The following APBA2 variants were observed in gnomAD, a reference collection of about 807,000 sequenced individuals.
The protein encoded by APBA2 is amyloid beta precursor protein binding family A member 2, also known as amyloid-beta A4 precursor protein-binding family A member 2.
In APBA2, 30 loss-of-function variants were observed where a neutral mutation model predicts 75.0. That is an observed-to-expected ratio of 0.40 (90% CI 0.30 to 0.54). The LOEUF is 0.54. APBA2 is among the 20% of genes least tolerant of loss of function. APBA2 has a pLI of 0.49. For missense variants in APBA2, 801 were observed against 1,016.1 expected (o/e 0.79, Z 2.88); for synonymous variants, 444 against 409.6 (o/e 1.08, Z -1.01).
intron 2 of APBA2, among the ~76,000 whole-genome samples, chr15:28,983,811 T>C (rs1186248270): frequency 6.6e-6 from 1 of 152,074 alleles, no homozygotes; most frequent in Non-Finnish European, 1.5e-5. Flanking sequence ...CTGGGGAAGG[T>C]TAGGCCATGG....
intron 13 of APBA2, among the ~76,000 whole-genome samples, chr15:29,109,585 C>T (rs1567026840): frequency 6.6e-6 from 1 of 152,142 alleles, no homozygotes; most frequent in Non-Finnish European, 1.5e-5. Context: ...TGAAGGTTTT[C>T]AGGGCCAGGG....
chr15:28,970,614 G>A (rs1427163963), intron 2 of APBA2: 1 of 151,240 alleles, frequency 6.6e-6, no homozygotes. Flanking sequence ...GTGTAGCAAA[G>A]AATTTACATT....
At chr15:29,010,242 C>T (rs962482896) in intron 3 of APBA2, among the ~76,000 whole-genome samples, 1 of 152,000 alleles carries the variant, frequency 6.6e-6, no homozygotes, top group African/African-American at 2.4e-5. Flanking sequence ...CATTTTCTTT[C>T]TTAGTGCTTT....
At chr15:28,887,621 C>A (rs2031836773) in intron 1 of APBA2, among the ~76,000 whole-genome samples, 1 of 152,144 alleles carries the variant, frequency 6.6e-6, no homozygotes, top group South Asian at 2.1e-4. Flanking sequence ...GGGCTGCTTC[C>A]CCCTGCAGCC....
chr15:28,984,318 G>C (rs1036587081), intron 2 of APBA2, among the ~76,000 whole-genome samples: 1 of 152,074 alleles, frequency 6.6e-6, no homozygotes, highest in African/African-American at 2.4e-5. Context: ...CTGAGTACCT[G>C]CCGGCACCTC....
At chr15:29,036,151 A>G (rs550363881) in intron 3 of APBA2, among the ~76,000 whole-genome samples, 1 of 151,916 alleles carries the variant, frequency 6.6e-6, no homozygotes, top group South Asian at 2.1e-4. Context: ...TCACCCCCCT[A>G]TGCTTTCCCG....
At chr15:28,901,175 G>C (rs1335993929) in intron 1 of APBA2, among the ~76,000 whole-genome samples, 1 of 152,178 alleles carries the variant, frequency 6.6e-6, no homozygotes, top group Admixed American at 6.5e-5. Context: ...CCATACTGCA[G>C]GCACGCTTGG....
At chr15:29,049,998 C>T (rs1246338900) in intron 3 of APBA2, among the ~76,000 whole-genome samples, 2 of 152,064 alleles carry the variant, frequency 1.3e-5, no homozygotes, top group South Asian at 2.1e-4. Flanking sequence ...GGACTTGATT[C>T]GGAAAGGGCT....
intron 1 of APBA2, among the ~76,000 whole-genome samples, chr15:28,917,806 CTTG>C (rs2033753959): frequency 6.6e-6 from 1 of 152,204 alleles, no homozygotes; most frequent in Admixed American, 6.5e-5. Context: ...TTAGCTGACT[CTTG>C]TTTTGAGGAG....
chr15:28,947,788 T>C (rs17680958), intron 2 of APBA2, among the ~76,000 whole-genome samples: 43,241 of 152,168 alleles, frequency 0.28, 9,794 homozygotes, highest in African/African-American at 0.6. Flanking sequence ...ATTGACTTTT[T>C]ACTCAGTACC....
chr15:29,078,029 G>A (rs1430200031), intron 6 of APBA2, among the ~76,000 whole-genome samples: 2 of 152,198 alleles, frequency 1.3e-5, no homozygotes, highest in Non-Finnish European at 2.9e-5. Flanking sequence ...GGACGTGGTG[G>A]CTCACGCCTG....
At position 29,075,082 on chromosome 15, in the gene APBA2, A is replaced by G. The variant is rs1201609469; in HGVS notation, c.1032+81A>G. The G allele has an allele frequency of 2.9e-5, 31 of 1,060,278 alleles. No individual in the cohort carries two copies. The South Asian group carries it at 3.5e-4, about 12-fold the overall frequency. 65.7% of individuals were successfully genotyped at this position (1,060,278 alleles called of 1,614,324 possible). A position where few individuals can be genotyped will look rare whatever the true frequency, so the allele number is the denominator to read the frequency against. On this transcript the variant is annotated intron_variant, in intron 5 of 14. Transcript: ENST00000683413. ...TGGCCCACCGAGTTGTGGTCTGCTC[A>G]CTTTGTCCATGATGTTCTCATCCCA...
intron 6 of APBA2, among the ~76,000 whole-genome samples, chr15:29,080,036 A>G (rs1464341367): frequency 6.6e-6 from 1 of 152,010 alleles, no homozygotes; most frequent in Non-Finnish European, 1.5e-5. Flanking sequence ...TGTGCGGGGG[A>G]CAGAGCCTGG....
intron 2 of APBA2, among the ~76,000 whole-genome samples, chr15:28,939,889 A>G (rs2152702677): frequency 6.6e-6 from 1 of 152,306 alleles, no homozygotes; most frequent in South Asian, 2.1e-4. Context: ...ACTGGGGGGA[A>G]CGTCCAGTCC....
At chr15:28,932,664 G>A (rs989831759) in intron 2 of APBA2, among the ~76,000 whole-genome samples, 1 of 152,216 alleles carries the variant, frequency 6.6e-6, no homozygotes, top group East Asian at 1.9e-4. Context: ...AGTGGTCAGT[G>A]CTGCCTATTG....
intron 3 of APBA2, among the ~76,000 whole-genome samples, chr15:29,029,141 G>GT (rs35882001): frequency 0.092 from 14,031 of 152,062 alleles, 764 homozygotes; most frequent in East Asian, 0.24. Flanking sequence ...ATAGTTTTGG[G>GT]TTTTACATTT....
intron 6 of APBA2, among the ~76,000 whole-genome samples, chr15:29,091,055 C>T (rs2043544285): frequency 6.6e-6 from 1 of 152,102 alleles, no homozygotes; most frequent in African/African-American, 2.4e-5. Context: ...CTCTGATTCT[C>T]CTGGTGACAG....
intron 10 of APBA2, among the ~76,000 whole-genome samples, chr15:29,104,094 C>G (rs1341808863): frequency 6.6e-6 from 1 of 152,276 alleles, no homozygotes; most frequent in East Asian, 1.9e-4. Context: ...TCCGGCCCAG[C>G]TTGTCTTTCC....
At chr15:28,889,527 C>A (rs1340955887) in intron 1 of APBA2, among the ~76,000 whole-genome samples, 8 of 152,224 alleles carry the variant, frequency 5.3e-5, no homozygotes, top group Admixed American at 2.0e-4. Context: ...CCACTTGCTC[C>A]CAAGAATGGC....
Sources: allele counts gnomAD v4.1 joint callset (sites outside exome capture counted in the v4.1 genomes callset), GRCh38; gene constraint gnomAD v4.1.1; transcripts MANE v1.5; gene names NCBI Gene and HGNC (gene_info 2026-07-23, HGNC 2026-07-21).